The following LRP1B variants were observed in gnomAD, a reference collection of about 807,000 sequenced individuals.
LRP1B encodes the protein low-density lipoprotein receptor-related protein 1B.
Under a neutral mutation model 556.6 loss-of-function variants are expected in LRP1B, and 217 were observed. That is an observed-to-expected ratio of 0.39 (90% CI 0.35 to 0.44). The LOEUF (loss-of-function observed/expected upper bound fraction) is 0.44. Among genes scored for constraint, LRP1B ranks in the 20% least tolerant of loss-of-function variants. The probability of loss-of-function intolerance (pLI) is 1.00; values close to 1 mark genes in which losing one functional copy is unlikely to be tolerated. For synonymous variants in LRP1B, 2,047 were observed against 1,865.8 expected, an observed-to-expected ratio of 1.10 and a Z score of -2.50; for missense variants, 5,053 against 5,620.8, an observed-to-expected ratio of 0.90 and a Z score of 3.23.
At chr2:140,258,993 C>T (rs1681815859) in intron 86 of LRP1B, among the ~76,000 whole-genome samples, 1 of 152,114 alleles carries the variant, frequency 6.6e-6, no homozygotes, top group Non-Finnish European at 1.5e-5. Flanking sequence ...ATAGCTGTGA[C>T]ACTTCATATT....
At position 140,520,999 on chromosome 2, in the gene LRP1B, A is replaced by G. The variant is rs190888617; in HGVS notation, c.8027-3988T>C. Among the ~76,000 whole-genome samples, 379 of 151,984 alleles carry G rather than the reference A, an allele frequency of 2.5e-3. 4 individuals carry two copies. The highest frequency in any genetic ancestry group is 6.8e-3 in the Middle Eastern group (2 of 292). ...GTCCTTCATATTAATTTTTTTCAAA[A>G]ATAAAAAAGAATTTTAGAAAATGAA... On this transcript the variant is annotated intron_variant, in intron 49 of 90. Transcript: ENST00000389484.
At chr2:141,816,173 A>G (rs1236695214) in intron 1 of LRP1B, among the ~76,000 whole-genome samples, 1 of 152,162 alleles carries the variant, frequency 6.6e-6, no homozygotes, top group Non-Finnish European at 1.5e-5. Flanking sequence ...AAAATATGCA[A>G]ACCAACTGTG....
intron 41 of LRP1B, among the ~76,000 whole-genome samples, chr2:140,672,400 C>T (rs1269278388): frequency 1.4e-5 from 2 of 147,338 alleles, no homozygotes; most frequent in African/African-American, 5.0e-5. Flanking sequence ...AGGAGAATCG[C>T]TTGAACCCAG....
In LRP1B at chr2:140,335,654, G is replaced by A. The variant is rs1171972064; in HGVS notation, c.12077C>T (p.Ala4026Val). 5.6e-6 allele frequency: 9 copies of A among 1,612,004 alleles called. No individual in the cohort carries two copies. In the African/African-American group the frequency reaches 1.1e-4, roughly 19 times the overall value. The change falls in exon 78 of 91, where the codon GCT (alanine) becomes GTT (valine). Residue 4026 changes from alanine (A) to valine (V), a missense_variant. Ala to Val is a moderately conservative substitution (Grantham distance 64). Around this residue, in one of 5 missense-constraint regions of LRP1B, gnomAD observed 599 missense variants for 648.4 expected, o/e 0.92. Transcript: ENST00000389484. The stretch of plus-strand genomic sequence containing the variant: ...TACTGCAATAGCATAGGGTTCTCCA[G>A]CCATATTTGTTAAGAGTCTGGTGCA... ...PNCTRLLTNM[A>V]GEPYAIAVNP...
At chr2:141,005,029 A>T (rs1191757700) in intron 15 of LRP1B, among the ~76,000 whole-genome samples, 2 of 151,930 alleles carry the variant, frequency 1.3e-5, no homozygotes, top group Non-Finnish European at 2.9e-5. Flanking sequence ...TATCTAATCA[A>T]CAACAATGCA....
intron 22 of LRP1B, among the ~76,000 whole-genome samples, chr2:140,906,615 A>G (rs1694261366): frequency 6.6e-6 from 1 of 152,080 alleles, no homozygotes; most frequent in Non-Finnish European, 1.5e-5. Flanking sequence ...TAAATCACCT[A>G]AAGACTTAAT....
chr2:141,100,745 C>G (rs979960299), intron 7 of LRP1B, among the ~76,000 whole-genome samples: 2 of 152,032 alleles, frequency 1.3e-5, no homozygotes, highest in African/African-American at 4.8e-5. Flanking sequence ...GTGAAAGATT[C>G]TTACGGAGCT....
At chr2:141,217,559 T>G (rs1411057583) in intron 6 of LRP1B, among the ~76,000 whole-genome samples, 1 of 152,110 alleles carries the variant, frequency 6.6e-6, no homozygotes, top group Non-Finnish European at 1.5e-5. Context: ...AAATTTGACC[T>G]CTACCTCTCA....
chr2:140,778,243 A>AAG (rs776399637), intron 32 of LRP1B, among the ~76,000 whole-genome samples: 11 of 152,190 alleles, frequency 7.2e-5, no homozygotes, highest in Non-Finnish European at 1.6e-4. Context: ...ACATCATTTT[A>AAG]TCTTTGAAGA....
intron 1 of LRP1B, among the ~76,000 whole-genome samples, chr2:141,922,450 T>G (rs2104975971): frequency 6.6e-6 from 1 of 152,332 alleles, no homozygotes; most frequent in South Asian, 2.1e-4. Context: ...ACCTCCTAAC[T>G]TAATCTGCGT....
At chr2:140,954,336 G>T (rs1170606509) in intron 18 of LRP1B, among the ~76,000 whole-genome samples, 1 of 151,878 alleles carries the variant, frequency 6.6e-6, no homozygotes, top group Non-Finnish European at 1.5e-5. Context: ...TGGTTCAAAT[G>T]AGTAAACAAT....
intron 1 of LRP1B, among the ~76,000 whole-genome samples, chr2:141,978,876 T>G (rs1398015112): frequency 6.6e-6 from 1 of 152,020 alleles, no homozygotes; most frequent in East Asian, 1.9e-4. Flanking sequence ...TGTATATGTT[T>G]AACATGATTC....
At chr2:141,585,839 C>T (rs901382878) in intron 2 of LRP1B, among the ~76,000 whole-genome samples, 3 of 151,516 alleles carry the variant, frequency 2.0e-5, no homozygotes, top group Non-Finnish European at 4.4e-5. Context: ...CTTAGAACTC[C>T]TAGGCTAGGA....
At chr2:140,845,562 A>C (rs1692250607) in intron 29 of LRP1B, among the ~76,000 whole-genome samples, 1 of 152,070 alleles carries the variant, frequency 6.6e-6, no homozygotes, top group Admixed American at 6.6e-5. Context: ...AAAAAAAAAC[A>C]AAAGGTCCAA....
At chr2:140,368,678 A>C (rs1243275357) in intron 71 of LRP1B, among the ~76,000 whole-genome samples, 1 of 151,860 alleles carries the variant, frequency 6.6e-6, no homozygotes, top group Non-Finnish European at 1.5e-5. Context: ...GCTCTCTTAT[A>C]TTCCAGTTCC....
chr2:140,268,633 C>G (rs759892816), intron 86 of LRP1B, among the ~76,000 whole-genome samples: 1 of 151,924 alleles, frequency 6.6e-6, no homozygotes, highest in African/African-American at 2.4e-5. Flanking sequence ...AAAATAATTT[C>G]CATTGTCATG....
In LRP1B at chr2:141,668,830, C is replaced by G. The variant is rs186775064; in HGVS notation, c.205+141449G>C. 2.6e-3 allele frequency among the ~76,000 whole-genome samples: 391 copies of G among 152,240 alleles called. 2 individuals are homozygous for G. Among genetic ancestry groups the G allele is most frequent in the African/African-American group, 8.8e-3 (364 of 41,542 alleles). On this transcript the variant is annotated intron_variant, in intron 2 of 90. Transcript: ENST00000389484. ...CTACTGGGGCTTTGGGAGTTGCAGG[C>G]ATCCACCTGTAGATGCTACCATTGG...
At chr2:141,908,043 A>G (rs1699805425) in intron 1 of LRP1B, among the ~76,000 whole-genome samples, 1 of 152,092 alleles carries the variant, frequency 6.6e-6, no homozygotes, top group Non-Finnish European at 1.5e-5. Context: ...AATTTTAATC[A>G]CTTTCTATTA....
chr2:141,115,634 T>TGCGC (rs377121606), intron 7 of LRP1B, among the ~76,000 whole-genome samples: 1 of 105,652 alleles, frequency 9.5e-6, no homozygotes, highest in Non-Finnish European at 2.1e-5. Context: ...TTTGTGTGTG[T>TGCGC]GTGTGTGTGT....
Sources: gnomAD v4.1 joint callset for allele counts (sites outside exome capture counted in the v4.1 genomes callset) on GRCh38, gnomAD v4.1.1 for gene constraint, gnomAD v4.1.1 regional missense constraint, MANE v1.5 for transcripts, NCBI Gene and HGNC (gene_info 2026-07-23, HGNC 2026-07-21) for gene names.